MAGI2: variants seen among roughly 807,000 people sequenced by gnomAD.
MAGI2 encodes the protein membrane-associated guanylate kinase, WW and PDZ domain-containing protein 2.
A neutral mutation model predicts 133.3 loss-of-function variants in MAGI2; 35 were observed. That is an observed-to-expected ratio of 0.26 (90% CI 0.20 to 0.35). MAGI2 has a LOEUF of 0.35. MAGI2 is among the 10% of genes least tolerant of loss of function. The probability of loss-of-function intolerance (pLI) is 1.00; values close to 1 mark genes in which losing one functional copy is unlikely to be tolerated. For missense variants in MAGI2, 1,636 were observed against 1,863.4 expected (o/e 0.88, Z 2.25); for synonymous variants, 729 against 710.6 (o/e 1.03, Z -0.41).
At chr7:78,603,190 A>T (rs1428702630) in intron 3 of MAGI2, among the ~76,000 whole-genome samples, 1 of 152,230 alleles carries the variant, frequency 6.6e-6, no homozygotes, top group East Asian at 1.9e-4. Flanking sequence ...TCTTTCACAA[A>T]ATTTTGAGCT....
chr7:78,679,406 T>C lies in MAGI2; in HGVS notation c.419-52167A>G, dbSNP rs200494049. 1.4e-4 allele frequency among the ~76,000 whole-genome samples: 22 copies of C among 152,294 alleles called. No individual in the cohort carries two copies. The East Asian group carries it at 4.1e-3, about 28-fold the overall frequency. ...GCCAAATGTCCCAATGCCTAGAACA[T>C]ATCACGGTTTTAGCAAATATTTGTT... On this transcript the variant is annotated intron_variant, in intron 2 of 21. Coordinates refer to ENST00000354212, the MANE Select transcript of MAGI2 (RefSeq NM_012301.4).
intron 20 of MAGI2, among the ~76,000 whole-genome samples, chr7:78,121,158 G>A (rs1313891556): frequency 2.7e-5 from 4 of 149,560 alleles, no homozygotes; most frequent in African/African-American, 4.9e-5. Flanking sequence ...TTTAGAAGAA[G>A]ATATAAGAGA....
intron 2 of MAGI2, among the ~76,000 whole-genome samples, chr7:78,632,902 C>T (rs1809172571): frequency 6.6e-6 from 1 of 152,170 alleles, no homozygotes; most frequent in African/African-American, 2.4e-5. Context: ...GGTATATAAC[C>T]AGAGTAATAT....
At position 79,220,079 on chromosome 7, in the gene MAGI2, A is replaced by G. The variant is rs568823273; in HGVS notation, c.302-212873T>C. Among the ~76,000 whole-genome samples, 4 of 152,176 alleles carry G rather than the reference A, an allele frequency of 2.6e-5. No individual in the cohort carries two copies. In the East Asian group the frequency reaches 7.7e-4, roughly 29 times the overall value. ...AATTCTCCTCTCCTTGGGCTTCCCA[A>G]TGCTAATGGCAGAAAGGAGAATTCA... On this transcript the variant is annotated intron_variant, in intron 1 of 21. Transcript: ENST00000354212.
At chr7:78,393,798 T>C (rs1796107292) in intron 6 of MAGI2, among the ~76,000 whole-genome samples, 1 of 152,176 alleles carries the variant, frequency 6.6e-6, no homozygotes, top group South Asian at 2.1e-4. Context: ...TGAAACAGAA[T>C]GAAACAAAAT....
chr7:78,069,236 C>G (rs112416103), intron 21 of MAGI2, among the ~76,000 whole-genome samples: 4 of 152,240 alleles, frequency 2.6e-5, no homozygotes, highest in African/African-American at 9.6e-5. Context: ...AAGAGGACAA[C>G]AAGTAGAAAC....
intron 18 of MAGI2, among the ~76,000 whole-genome samples, chr7:78,127,795 A>G (rs1821145619): frequency 6.6e-6 from 1 of 152,108 alleles, no homozygotes; most frequent in Non-Finnish European, 1.5e-5. Flanking sequence ...AAGACTGGTA[A>G]ACCAACCTTC....
chr7:78,636,369 T>TGAA lies in MAGI2; in HGVS notation c.419-9133_419-9131dup, dbSNP rs1554507781. ...AAACAGGCTTTTTTTTTTTTTTTTT[T>TGAA]GAAGAAGAAACCTCACTGAATATCT... On this transcript the variant is annotated intron_variant, in intron 2 of 21. Coordinates refer to ENST00000354212, the MANE Select transcript of MAGI2 (RefSeq NM_012301.4). 5.8e-3 allele frequency among the ~76,000 whole-genome samples: 841 copies of TGAA among 145,774 alleles called. 8 individuals carry two copies. Among genetic ancestry groups the TGAA allele is most frequent in the African/African-American group, 0.021 (815 of 38,958 alleles).
chr7:78,677,616 T>C (rs1815187318), intron 2 of MAGI2, among the ~76,000 whole-genome samples: 1 of 152,118 alleles, frequency 6.6e-6, no homozygotes, highest in Admixed American at 6.6e-5. Flanking sequence ...TGACCATGAC[T>C]GGCATTTGCA....
At chr7:78,108,186 G>A (rs546738599) in intron 20 of MAGI2, among the ~76,000 whole-genome samples, 3 of 151,866 alleles carry the variant, frequency 2.0e-5, no homozygotes, top group Admixed American at 6.6e-5. Context: ...CATTTTTATT[G>A]TTTCAAGAAA....
At position 78,685,027 on chromosome 7, in the gene MAGI2, G is replaced by A. The variant is rs142265411; in HGVS notation, c.419-57788C>T. 2.2e-3 allele frequency among the ~76,000 whole-genome samples: 335 copies of A among 152,302 alleles called. 2 individuals carry two copies. The highest frequency in any genetic ancestry group is 7.6e-3 in the African/African-American group (317 of 41,574). On this transcript the variant is annotated intron_variant, in intron 2 of 21. Coordinates refer to ENST00000354212, the MANE Select transcript of MAGI2 (RefSeq NM_012301.4). ...TACTACATTCATGAGGCTGCATATA[G>A]CAGGACCGATTTAACACATAAAGTA...
intron 2 of MAGI2, among the ~76,000 whole-genome samples, chr7:78,880,175 C>G (rs1028106103): frequency 2.6e-5 from 4 of 152,080 alleles, no homozygotes; most frequent in African/African-American, 4.8e-5. Context: ...ATAAAATGTT[C>G]CTAGTCTTCC....
At chr7:78,869,524 G>A (rs1794853923) in intron 2 of MAGI2, among the ~76,000 whole-genome samples, 1 of 152,162 alleles carries the variant, frequency 6.6e-6, no homozygotes, top group Admixed American at 6.5e-5. Context: ...AGAAGTACCT[G>A]AGACTGGGTA....
intron 1 of MAGI2, among the ~76,000 whole-genome samples, chr7:79,280,592 A>T (rs1835561522): frequency 1.3e-5 from 2 of 152,098 alleles, no homozygotes; most frequent in Non-Finnish European, 2.9e-5. Context: ...TTTAACACAA[A>T]CTGGTGGCAA....
intron 3 of MAGI2, among the ~76,000 whole-genome samples, chr7:78,529,235 G>A (rs894869715): frequency 3.9e-5 from 6 of 152,118 alleles, no homozygotes; most frequent in African/African-American, 7.2e-5. Flanking sequence ...ATTTATTCAC[G>A]TCAGCTAATG....
chr7:78,659,552 G>C, intron 2 of MAGI2, among the ~76,000 whole-genome samples: 1 of 151,536 alleles, frequency 6.6e-6, no homozygotes, highest in East Asian at 1.9e-4. Context: ...CTTGCCTACT[G>C]TATGATTTCA....
chr7:78,884,709 T>G (rs1796133649), intron 2 of MAGI2, among the ~76,000 whole-genome samples: 1 of 152,188 alleles, frequency 6.6e-6, no homozygotes, highest in Admixed American at 6.5e-5. Flanking sequence ...GGAATGGTTA[T>G]ACACTTTTGG....
intron 21 of MAGI2, among the ~76,000 whole-genome samples, chr7:78,023,595 T>C (rs114625854): frequency 5.0e-4 from 76 of 152,344 alleles, no homozygotes; most frequent in African/African-American, 1.7e-3. Flanking sequence ...TGCAGCCCCT[T>C]TGTCCAATGT....
chr7:78,801,140 T>C (rs1009710820), intron 2 of MAGI2, among the ~76,000 whole-genome samples: 3 of 152,188 alleles, frequency 2.0e-5, no homozygotes, highest in African/African-American at 7.2e-5. Context: ...TCTGAGTAGT[T>C]TGCTTAACAT....
Sources: allele counts gnomAD v4.1 joint callset (sites outside exome capture counted in the v4.1 genomes callset), GRCh38; gene constraint gnomAD v4.1.1; transcripts MANE v1.5; gene names NCBI Gene and HGNC (gene_info 2026-07-23, HGNC 2026-07-21).